DLGAP4: variants seen among roughly 807,000 people sequenced by gnomAD.
The protein encoded by DLGAP4 is DLG associated protein 4, also known as disks large-associated protein 4.
Under a neutral mutation model 86.9 loss-of-function variants are expected in DLGAP4, and 18 were observed. The ratio of observed to expected loss-of-function variants is 0.21; its 90% CI spans 0.14 to 0.31. The LOEUF (loss-of-function observed/expected upper bound fraction) is 0.31. DLGAP4 is among the 10% of genes least tolerant of loss of function. The pLI is 1.00. For synonymous variants in DLGAP4, 548 were observed against 574.3 expected (o/e 0.95, Z 0.65); for missense variants, 1,085 against 1,362.6 (o/e 0.80, Z 3.21).
chr20:36,501,653 T>G (rs996886608), intron 10 of DLGAP4, among the ~76,000 whole-genome samples: 1 of 152,126 alleles, frequency 6.6e-6, no homozygotes, highest in Admixed American at 6.6e-5. Context: ...TGGTTCCCAT[T>G]GAGCTACTCC....
At chr20:36,438,769 C>G (rs575010023) in intron 4 of DLGAP4, among the ~76,000 whole-genome samples, 19 of 140,094 alleles carry the variant, frequency 1.4e-4, no homozygotes, top group African/African-American at 4.6e-4. Flanking sequence ...AGTGCAGTGG[C>G]ACAAACTTGG....
At chr20:36,445,436 G>A (rs967931771) in intron 6 of DLGAP4, among the ~76,000 whole-genome samples, 5 of 152,120 alleles carry the variant, frequency 3.3e-5, no homozygotes, top group South Asian at 4.1e-4. Context: ...CCCGGGAGGC[G>A]GAGGTTGCAG....
chr20:36,320,160 T>C (rs1403089842), intron 1 of DLGAP4, among the ~76,000 whole-genome samples: 9 of 26,398 alleles, frequency 3.4e-4, no homozygotes, highest in African/African-American at 1.2e-3. Context: ...CCTCTGTGTC[T>C]TTCTCTCCCA....
intron 2 of DLGAP4, among the ~76,000 whole-genome samples, chr20:36,395,674 T>C (rs1011607498): frequency 6.6e-6 from 1 of 152,150 alleles, no homozygotes; most frequent in African/African-American, 2.4e-5. Flanking sequence ...AATATTTATA[T>C]TTTTAGTAGA....
chr20:36,384,158 G>C (rs1339173088), intron 2 of DLGAP4, among the ~76,000 whole-genome samples: 1 of 152,118 alleles, frequency 6.6e-6, no homozygotes, highest in Non-Finnish European at 1.5e-5. Flanking sequence ...TTTGGGGTGC[G>C]GGGCACTCGT....
At chr20:36,475,815 C>T (rs1156589323) in intron 7 of DLGAP4, among the ~76,000 whole-genome samples, 6 of 152,162 alleles carry the variant, frequency 3.9e-5, no homozygotes, top group South Asian at 2.1e-4. Context: ...TTCAGTGGGC[C>T]GCTCACTAGT....
chr20:36,419,147 G>C (rs2032750644), intron 2 of DLGAP4, among the ~76,000 whole-genome samples: 1 of 151,246 alleles, frequency 6.6e-6, no homozygotes, highest in Admixed American at 6.6e-5. Context: ...TTTGAGATAG[G>C]GTCTTACTCT....
chr20:36,395,159 G>A (rs933921099), intron 2 of DLGAP4, among the ~76,000 whole-genome samples: 3 of 152,074 alleles, frequency 2.0e-5, no homozygotes, highest in African/African-American at 4.8e-5. Flanking sequence ...AGACCCACCC[G>A]TCACTTCTGC....
chr20:36,341,461 GCACT>G (rs1336833149), intron 1 of DLGAP4, among the ~76,000 whole-genome samples: 2 of 152,216 alleles, frequency 1.3e-5, no homozygotes, highest in Non-Finnish European at 2.9e-5. Flanking sequence ...GTGATGCCTG[GCACT>G]CACTGATATG....
intron 2 of DLGAP4, among the ~76,000 whole-genome samples, chr20:36,410,060 C>G (rs1402831619): frequency 6.6e-6 from 1 of 151,986 alleles, no homozygotes; most frequent in Non-Finnish European, 1.5e-5. Context: ...AAGTACTCCT[C>G]CTACTCTTTC....
chr20:36,429,448 A>C (rs1225993247), intron 2 of DLGAP4, among the ~76,000 whole-genome samples: 1 of 123,960 alleles, frequency 8.1e-6, no homozygotes, highest in Non-Finnish European at 1.6e-5. Flanking sequence ...TCTGTCACCC[A>C]GGCTGGAGTG....
intron 6 of DLGAP4, among the ~76,000 whole-genome samples, chr20:36,445,654 G>A (rs1204052794): frequency 6.6e-6 from 1 of 152,210 alleles, no homozygotes; most frequent in East Asian, 1.9e-4. Context: ...AGAGAAGATA[G>A]TGATGGCCTG....
At chr20:36,475,403 A>C (rs1182696233) in intron 7 of DLGAP4, among the ~76,000 whole-genome samples, 3 of 151,428 alleles carry the variant, frequency 2.0e-5, no homozygotes. Context: ...TAGAGATGGG[A>C]TTTTGCCATG....
At chr20:36,331,973 T>G (rs1600405280) in intron 1 of DLGAP4, among the ~76,000 whole-genome samples, 6 of 134,436 alleles carry the variant, frequency 4.5e-5, no homozygotes, top group South Asian at 2.5e-4. Context: ...TGGAAAAGAG[T>G]CGGGGGCGGG....
At chr20:36,418,584 C>T (rs776967424) in intron 2 of DLGAP4, among the ~76,000 whole-genome samples, 4 of 152,164 alleles carry the variant, frequency 2.6e-5, no homozygotes, top group Admixed American at 1.3e-4. Flanking sequence ...TCTGCTGAAG[C>T]CAGGCAGGTT....
intron 1 of DLGAP4, among the ~76,000 whole-genome samples, chr20:36,330,247 A>T (rs930501302): frequency 7.9e-5 from 12 of 152,162 alleles, no homozygotes; most frequent in Non-Finnish European, 1.2e-4. Context: ...GGGCCAGGCC[A>T]GAGGAGGGTT....
chr20:36,399,156 G>A (rs1405702283), intron 2 of DLGAP4, among the ~76,000 whole-genome samples: 1 of 152,136 alleles, frequency 6.6e-6, no homozygotes, highest in African/African-American at 2.4e-5. Context: ...GTTGCTGGAG[G>A]TTGCACTCTA....
intron 10 of DLGAP4, among the ~76,000 whole-genome samples, chr20:36,519,548 A>G (rs1458342145): frequency 4.6e-5 from 7 of 152,188 alleles, no homozygotes; most frequent in Admixed American, 4.6e-4. Flanking sequence ...TCAAACTGCT[A>G]TAAATATTGG....
At chr20:36,343,412 AG>A (rs2065404242) in intron 1 of DLGAP4, among the ~76,000 whole-genome samples, 1 of 152,168 alleles carries the variant, frequency 6.6e-6, no homozygotes, top group Non-Finnish European at 1.5e-5. Flanking sequence ...ACCAGGGCCC[AG>A]GAACCGTGTT....
Sources: gnomAD v4.1 joint callset for allele counts (sites outside exome capture counted in the v4.1 genomes callset) on GRCh38, gnomAD v4.1.1 for gene constraint, MANE v1.5 for transcripts, NCBI Gene and HGNC (gene_info 2026-07-23, HGNC 2026-07-21) for gene names.